SEMA4F: variants seen among roughly 807,000 people sequenced by gnomAD.
The protein encoded by SEMA4F is ssemaphorin 4F.
Under a neutral mutation model 78.4 loss-of-function variants are expected in SEMA4F, and 51 were observed. That is an observed-to-expected ratio of 0.65 (90% CI 0.52 to 0.82). SEMA4F has a LOEUF of 0.82. Ranked by LOEUF, SEMA4F falls within the 40% of genes least tolerant of loss-of-function variation. The pLI is 0.00. For synonymous variants in SEMA4F, 418 were observed against 408.7 expected (o/e 1.02, Z -0.27); for missense variants, 938 against 1,014.4 (o/e 0.92, Z 1.02).
At chr2:74,679,194 GA>G in intron 12 of SEMA4F, 81 bp from the exon 13 acceptor site, 1 of 1,047,120 alleles carries the variant, frequency 9.5e-7, no homozygotes, top group South Asian at 1.3e-5. Flanking sequence ...GAGATATATT[GA>G]ATGAGGGAGT....
At chr2:74,670,963 C>T (rs545066405) in intron 5 of SEMA4F, among the ~76,000 whole-genome samples, 3 of 152,010 alleles carry the variant, frequency 2.0e-5, no homozygotes, top group African/African-American at 7.3e-5. Flanking sequence ...GAATGAATGT[C>T]AACCATGTGC....
At chr2:74,673,017 TA>T (rs1459854441) in intron 5 of SEMA4F, among the ~76,000 whole-genome samples, 1 of 152,192 alleles carries the variant, frequency 6.6e-6, no homozygotes, top group East Asian at 1.9e-4. Flanking sequence ...GTACGCCCAC[TA>T]ATGTTCAGAA....
chr2:74,672,116 G>A (rs1685019531), intron 5 of SEMA4F, among the ~76,000 whole-genome samples: 2 of 152,210 alleles, frequency 1.3e-5, no homozygotes, highest in African/African-American at 4.8e-5. Flanking sequence ...AGGGTAAAGT[G>A]CATATCTGCT....
Position 74,657,540 on chromosome 2 carries a change from G to T in SEMA4F, c.298-25G>T. ...AGTTTGATGTTAGGGGAATCTGGGT[G>T]AAATGATCACTTCTCCTTTCTCAGA... is the stretch of plus-strand genomic sequence containing the variant. On this transcript the variant is annotated intron_variant, in intron 2 of 13. Coordinates refer to ENST00000357877, the MANE Select transcript of SEMA4F (RefSeq NM_004263.5). The T allele has an allele frequency of 1.9e-6, 3 of 1,611,712 alleles. No individual in the cohort carries two copies. In the South Asian group the frequency reaches 3.3e-5, roughly 18 times the overall value.
chr2:74,695,550 A>G, the SEMA4F span, among the ~76,000 whole-genome samples: 14 of 152,320 alleles, frequency 9.2e-5, no homozygotes, highest in South Asian at 2.1e-4. Context: ...ATCCAAATCA[A>G]TGAATAAAAC....
chr2:74,657,754 C>G (rs1033344416), intron 3 of SEMA4F, 99 bp from the exon 4 acceptor site: 48 of 1,373,360 alleles, frequency 3.5e-5, no homozygotes, highest in African/African-American at 3.0e-4. Context: ...CATCACCCAT[C>G]ATCTCTGATC....
downstream of SEMA4F, among the ~76,000 whole-genome samples, chr2:74,688,044 A>G (rs1455817054): frequency 6.6e-6 from 1 of 150,742 alleles, no homozygotes; most frequent in Non-Finnish European, 1.5e-5. Context: ...TTTTACATCA[A>G]ACTCAATCTC....
At chr2:74,674,102 A>G (rs760514171) in intron 7 of SEMA4F, among the ~76,000 whole-genome samples, 1 of 152,176 alleles carries the variant, frequency 6.6e-6, no homozygotes, top group Non-Finnish European at 1.5e-5. Flanking sequence ...ACCAGGGTTC[A>G]AGTCCCTGCC....
At chr2:74,665,988 A>T (rs944333261) in intron 5 of SEMA4F, among the ~76,000 whole-genome samples, 5 of 151,950 alleles carry the variant, frequency 3.3e-5, no homozygotes, top group African/African-American at 9.7e-5. Flanking sequence ...GCTCACTGCA[A>T]CCTTCGTCTC....
intron 12 of SEMA4F, among the ~76,000 whole-genome samples, chr2:74,676,457 G>A (rs759985993): frequency 1.3e-5 from 2 of 152,170 alleles, no homozygotes; most frequent in Non-Finnish European, 2.9e-5. Flanking sequence ...CCATCCGACT[G>A]TCTACTTGAT....
chr2:74,673,715 G>C lies in SEMA4F; in HGVS notation c.709G>C (p.Glu237Gln). The C allele has an allele frequency of 6.2e-7, 1 of 1,614,118 alleles. No individual in the cohort carries two copies. The highest frequency in any genetic ancestry group is 1.1e-5 in the South Asian group (1 of 91,072). Residue 237 changes from glutamate to glutamine, a missense_variant, in exon 7 of 14, where the codon GAA becomes CAA. Transcript: ENST00000357877. ...FVAAVALSPAEWGDEDGDDEI... is the reference protein window; with the variant it reads ...FVAAVALSPAQWGDEDGDDEI... ...CGCAGCCGTGGCCTTGAGCCCAGCCGAATGGGGGGATGAAGATGGAGACGA... is the reference window on the plus strand; with the variant it reads ...CGCAGCCGTGGCCTTGAGCCCAGCCCAATGGGGGGATGAAGATGGAGACGA...
downstream of SEMA4F, among the ~76,000 whole-genome samples, chr2:74,684,406 CAT>C (rs1685766460): frequency 6.6e-6 from 1 of 152,114 alleles, no homozygotes; most frequent in Non-Finnish European, 1.5e-5. Flanking sequence ...ATTTGTTACT[CAT>C]GCCGTATGTC....
intron 5 of SEMA4F, among the ~76,000 whole-genome samples, chr2:74,666,181 C>T (rs1027519749): frequency 6.6e-6 from 1 of 152,208 alleles, no homozygotes; most frequent in African/African-American, 2.4e-5. Flanking sequence ...GCTGGGATTA[C>T]AGGCGTGAGC....
In SEMA4F at chr2:74,656,783, T is replaced by C. The variant is rs1297762978; in HGVS notation, c.297+98T>C. On this transcript the variant is annotated intron_variant, in intron 2 of 13. Transcript: ENST00000357877. ...TGGGGGATTTCATAATAACTAAAGATGTAACAGCAGGGGTAGTAGGAGGGG... is the reference window on the plus strand; with the variant it reads ...TGGGGGATTTCATAATAACTAAAGACGTAACAGCAGGGGTAGTAGGAGGGG... The C allele has an allele frequency of 3.2e-5, 41 of 1,267,664 alleles. No individual in the cohort carries two copies. In the East Asian group the frequency reaches 1.1e-3, roughly 33 times the overall value. 78.5% of individuals were successfully genotyped at this position (1,267,664 alleles called of 1,614,324 possible).
chr2:74,679,226 G>T (rs1313191659), intron 12 of SEMA4F, 50 bp from the exon 13 acceptor site: 1 of 1,357,638 alleles, frequency 7.4e-7, no homozygotes, highest in Non-Finnish European at 1.1e-6. Context: ...ACTGAGGGGG[G>T]TTGAAGGGAA....
chr2:74,679,520 G>T, intron 13 of SEMA4F, 79 bp from the exon 14 acceptor site: 1 of 1,538,782 alleles, frequency 6.5e-7, no homozygotes, highest in South Asian at 1.2e-5. Context: ...TTTCATGTCC[G>T]ACATCACCCC....
the SEMA4F span, among the ~76,000 whole-genome samples, chr2:74,703,647 G>T: frequency 1.3e-5 from 2 of 152,368 alleles, no homozygotes; most frequent in East Asian, 1.9e-4. Flanking sequence ...AGCTTCAGTG[G>T]ATCCCCACGT....
At chr2:74,698,909 A>G in the SEMA4F span, among the ~76,000 whole-genome samples, 1 of 152,342 alleles carries the variant, frequency 6.6e-6, no homozygotes, top group Middle Eastern at 3.4e-3. Flanking sequence ...TATTTGGTCA[A>G]ATCTGCATAA....
Position 74,680,059 on chromosome 2 carries a change from T to G in SEMA4F, c.2163T>G (p.Pro721=), listed in dbSNP as rs763864110. 6.2e-7 allele frequency: 1 copy of G among 1,614,110 alleles called. No homozygotes were observed. Among genetic ancestry groups the G allele is most frequent in the Non-Finnish European group, 8.5e-7 (1 of 1,179,952 alleles). Residue 721 remains proline (P), a synonymous_variant, in exon 14 of 14, where the codon CCT becomes CCG. Coordinates refer to ENST00000357877, the MANE Select transcript of SEMA4F (RefSeq NM_004263.5). ...GCCAAGACCCTCCCTCCCCCTCTCC[T>G]GAAGATGAGCGGTTGCCGCTGGCCC... ...SYSQDPPSPS[P]EDERLPLALA... is the part of the protein sequence containing the mutation.
Sources: gnomAD v4.1 joint callset for allele counts (sites outside exome capture counted in the v4.1 genomes callset) on GRCh38, gnomAD v4.1.1 for gene constraint, MANE v1.5 for transcripts, NCBI Gene and HGNC (gene_info 2026-07-23, HGNC 2026-07-21) for gene names.